Variants in KLF8 observed in about 807,000 individuals in gnomAD.
KLF8 encodes KLF transcription factor 8.
Under a neutral mutation model 18.2 loss-of-function variants are expected in KLF8, and 10 were observed. The ratio of observed to expected loss-of-function variants is 0.55; its 90% CI spans 0.34 to 0.93. The LOEUF is 0.93. Among genes scored for constraint, KLF8 ranks in the 40% least tolerant of loss-of-function variants. KLF8 has a pLI of 0.02. For synonymous variants in KLF8, 109 were observed against 97.3 expected (o/e 1.12, Z -0.71); for missense variants, 264 against 277.9 (o/e 0.95, Z 0.36).
the KLF8 span, among the ~76,000 whole-genome samples, chrX:56,165,937 C>G: frequency 9.1e-6 from 1 of 110,347 alleles, no homozygotes. Context: ...AAGACTTCTG[C>G]CACATAGAGG....
chrX:55,941,467 C>G, the KLF8 span, among the ~76,000 whole-genome samples: 6 of 111,641 alleles, frequency 5.4e-5, no homozygotes, highest in African/African-American at 2.0e-4. Context: ...TGGGCAAGGA[C>G]TTCATGTCTA....
At chrX:56,093,014 TG>T in the KLF8 span, among the ~76,000 whole-genome samples, 2 of 87,462 alleles carry the variant, frequency 2.3e-5, no homozygotes, top group African/African-American at 4.4e-5. Flanking sequence ...AGAAAATGAA[TG>T]AAAAAAAAAA....
chrX:56,256,422 T>C (rs2066796020), intron 2 of KLF8, among the ~76,000 whole-genome samples: 1 of 111,455 alleles, frequency 9.0e-6, no homozygotes, highest in Non-Finnish European at 1.9e-5. Flanking sequence ...TTGGGGTTGG[T>C]TTGCTCTTGT....
the KLF8 span, among the ~76,000 whole-genome samples, chrX:56,222,143 G>A: frequency 9.0e-6 from 1 of 111,360 alleles, no homozygotes. Context: ...ACAGAGTGCT[G>A]ATTGGTGTAT....
chrX:56,042,222 G>A, the KLF8 span, among the ~76,000 whole-genome samples: 1 of 111,361 alleles, frequency 9.0e-6, no homozygotes, highest in Admixed American at 9.5e-5. Context: ...TTTAATTTGT[G>A]TTGTGGTCTG....
chrX:56,121,767 A>G, the KLF8 span, among the ~76,000 whole-genome samples: 1 of 112,265 alleles, frequency 8.9e-6, no homozygotes, highest in African/African-American at 3.2e-5. Flanking sequence ...CATATACTTC[A>G]GAAAGTAGTT....
the KLF8 span, among the ~76,000 whole-genome samples, chrX:55,952,239 G>A: frequency 8.9e-6 from 1 of 111,961 alleles, no homozygotes; most frequent in Non-Finnish European, 1.9e-5. Context: ...TACAGCAAAC[G>A]TTGAAGAGAG....
rs1179073950 is a variant in KLF8, at chrX:56,284,417, C to A, written c.1003C>A (p.Arg335=). 2 of 1,209,118 alleles carry A rather than the reference C, an allele frequency of 1.7e-6. No individual in the cohort carries two copies. Among genetic ancestry groups the A allele is most frequent in the African/African-American group, 3.5e-5 (2 of 57,828 alleles). ...CAAGCACACAGGCATCAAGCCTTTT[C>A]GGTGCACAGACTGCAACCGCAGCTT... The part of the protein sequence containing the change: ...FRKHTGIKPF[R]CTDCNRSFSR... Residue 335 remains arginine (R), a synonymous_variant, in exon 6 of 6, where the codon CGG becomes AGG. Transcript: ENST00000468660.
chrX:56,055,783 C>T, the KLF8 span, among the ~76,000 whole-genome samples: 1 of 111,276 alleles, frequency 9.0e-6, no homozygotes, highest in African/African-American at 3.3e-5. Flanking sequence ...TTTCTCTCTT[C>T]TTGTCTGGCT....
At chrX:56,262,182 T>A (rs2066890660) in intron 2 of KLF8, among the ~76,000 whole-genome samples, 1 of 111,988 alleles carries the variant, frequency 8.9e-6, no homozygotes, top group Admixed American at 9.5e-5. Flanking sequence ...TGGTTAAGAA[T>A]TGGCAAACCA....
chrX:56,092,666 T>C, the KLF8 span, among the ~76,000 whole-genome samples: 2 of 111,488 alleles, frequency 1.8e-5, no homozygotes, highest in Non-Finnish European at 3.8e-5. Flanking sequence ...TATTCTGTTT[T>C]GAATAATGTA....
At chrX:56,148,113 T>C in the KLF8 span, among the ~76,000 whole-genome samples, 1 of 112,393 alleles carries the variant, frequency 8.9e-6, no homozygotes, top group African/African-American at 3.2e-5. Context: ...TTTGGGCATA[T>C]GCTACATGCT....
At chrX:56,229,065 C>CT (rs755151700), upstream of KLF8, among the ~76,000 whole-genome samples, 5 of 110,382 alleles carry the variant, frequency 4.5e-5, no homozygotes, top group East Asian at 5.7e-4. Flanking sequence ...CTCAAGCCTT[C>CT]TTTTTTTTAT....
chrX:55,946,449 C>T, the KLF8 span, among the ~76,000 whole-genome samples: 1 of 111,856 alleles, frequency 8.9e-6, no homozygotes, highest in African/African-American at 3.3e-5. Flanking sequence ...AAAGCTGAAA[C>T]TGGGTCCCTT....
At position 56,289,085 on chromosome X, in the gene KLF8, CATTT is replaced by C. The variant is rs765126255; in HGVS notation, c.*4602_*4605del. 1.8e-5 allele frequency among the ~76,000 whole-genome samples: 2 copies of C among 112,276 alleles called. No individual in the cohort carries two copies. Among genetic ancestry groups the C allele is most frequent in the South Asian group, 3.7e-4 (1 of 2,697 alleles). ...CTAAGGGAGATTGTCTCTTCTCCCC[CATTT>C]ATTTATTTATACAATACTTTATTTA... is the stretch of plus-strand genomic sequence containing the variant. On this transcript the variant is annotated 3_prime_UTR_variant, in exon 6 of 6. Transcript: ENST00000468660.
chrX:56,246,346 CA>C (rs2066622736), intron 1 of KLF8, among the ~76,000 whole-genome samples: 1 of 111,329 alleles, frequency 9.0e-6, no homozygotes, highest in Admixed American at 9.5e-5. Flanking sequence ...GATAGGGATA[CA>C]AAAAAAGGAA....
At chrX:56,188,569 C>T in the KLF8 span, among the ~76,000 whole-genome samples, 170 of 111,885 alleles carry the variant, frequency 1.5e-3, no homozygotes, top group Admixed American at 5.8e-3. Flanking sequence ...CAAGTCAATC[C>T]TAAGCCAAAA....
At chrX:56,053,123 G>T in the KLF8 span, among the ~76,000 whole-genome samples, 1 of 111,892 alleles carries the variant, frequency 8.9e-6, no homozygotes, top group African/African-American at 3.3e-5. Context: ...GCCCTGCTTC[G>T]GCTTGCGCAC....
chrX:56,100,572 G>A, the KLF8 span, among the ~76,000 whole-genome samples: 3 of 112,065 alleles, frequency 2.7e-5, no homozygotes, highest in Non-Finnish European at 5.6e-5. Context: ...CATTCTAGGT[G>A]TTATTAAGAA....
Sources: allele counts gnomAD v4.1 joint callset (sites outside exome capture counted in the v4.1 genomes callset), GRCh38; gene constraint gnomAD v4.1.1; transcripts MANE v1.5; gene names NCBI Gene and HGNC (gene_info 2026-07-23, HGNC 2026-07-21).